OXSR1: variants seen among roughly 807,000 people sequenced by gnomAD.
OXSR1 encodes the protein serine/threonine-protein kinase OSR1.
Under a neutral mutation model 79.8 loss-of-function variants are expected in OXSR1, and 24 were observed. The ratio of observed to expected loss-of-function variants is 0.30; its 90% CI spans 0.22 to 0.42. The LOEUF (loss-of-function observed/expected upper bound fraction) is 0.42. Ranked by LOEUF, OXSR1 falls within the 10% of genes least tolerant of loss-of-function variation. OXSR1 has a pLI of 1.00. For synonymous variants in OXSR1, 226 were observed against 209.2 expected (o/e 1.08, Z -0.69); for missense variants, 430 against 618.4 (o/e 0.70, Z 3.23).
intron 2 of OXSR1, among the ~76,000 whole-genome samples, chr3:38,190,262 G>T (rs1409593754): frequency 1.3e-5 from 2 of 151,920 alleles, no homozygotes; most frequent in Non-Finnish European, 2.9e-5. Flanking sequence ...ACGTTGTCCT[G>T]TTTCAGTTTG....
At chr3:38,208,868 C>T (rs1449573754) in intron 4 of OXSR1, among the ~76,000 whole-genome samples, 1 of 152,142 alleles carries the variant, frequency 6.6e-6, no homozygotes, top group East Asian at 1.9e-4. Context: ...CGTCACTGCA[C>T]TCCAGCCTGG....
intron 3 of OXSR1, 90 bp from the exon 4 acceptor site, chr3:38,198,632 G>A: frequency 1.1e-6 from 1 of 890,420 alleles, no homozygotes; most frequent in Non-Finnish European, 1.7e-6. Flanking sequence ...AAGTTTATGA[G>A]AAGGTTCACA....
intron 1 of OXSR1, among the ~76,000 whole-genome samples, chr3:38,178,618 ATATTT>A (rs1396662435): frequency 5.8e-5 from 5 of 86,728 alleles, no homozygotes; most frequent in South Asian, 3.5e-4. Flanking sequence ...ATATATATAT[ATATTT>A]TTTTTTTTTT....
intron 17 of OXSR1, 81 bp downstream of exon 17, chr3:38,252,473 G>T (rs2125857348): frequency 1.1e-6 from 1 of 907,244 alleles, no homozygotes; most frequent in Middle Eastern, 2.1e-4. Flanking sequence ...TATATCCCCT[G>T]AGTGATGAGA....
At chr3:38,202,793 A>G (rs1408099384) in intron 4 of OXSR1, among the ~76,000 whole-genome samples, 1 of 152,216 alleles carries the variant, frequency 6.6e-6, no homozygotes, top group African/African-American at 2.4e-5. Flanking sequence ...CATTGTGAGA[A>G]GTGACCTAGA....
chr3:38,252,815 A>C lies in OXSR1; in HGVS notation c.1510-2A>C. Reference sequence around the variant, plus strand: ...CAGTTTCTCATTTTGTTTGGTTCTTAGGCATCTGGTGTCGAAGGCTCAGAT... The same window carrying C: ...CAGTTTCTCATTTTGTTTGGTTCTTCGGCATCTGGTGTCGAAGGCTCAGAT... On this transcript the variant is annotated splice_acceptor_variant, in intron 17 of 17. Transcript: ENST00000311806. LOFTEE classifies it high-confidence loss of function. 1 of 1,609,968 alleles carries C rather than the reference A, an allele frequency of 6.2e-7. No homozygotes were observed. Among genetic ancestry groups the C allele is most frequent in the Non-Finnish European group, 8.5e-7 (1 of 1,176,376 alleles).
At chr3:38,240,956 A>G (rs1417046287) in intron 11 of OXSR1, among the ~76,000 whole-genome samples, 1 of 152,178 alleles carries the variant, frequency 6.6e-6, no homozygotes, top group Non-Finnish European at 1.5e-5. Context: ...ATGGAAAATC[A>G]TCATTTTACA....
chr3:38,200,146 G>A (rs939553072), intron 4 of OXSR1, among the ~76,000 whole-genome samples: 3 of 152,188 alleles, frequency 2.0e-5, no homozygotes, highest in Non-Finnish European at 2.9e-5. Context: ...GGCACTGCTC[G>A]TTAGGCATGG....
chr3:38,201,356 G>C (rs377385326), intron 4 of OXSR1, among the ~76,000 whole-genome samples: 19 of 151,438 alleles, frequency 1.3e-4, no homozygotes, highest in African/African-American at 4.4e-4. Context: ...GAGCCCAGGA[G>C]TTTAATACCA....
At chr3:38,204,153 C>G (rs1372929816) in intron 4 of OXSR1, among the ~76,000 whole-genome samples, 1 of 152,194 alleles carries the variant, frequency 6.6e-6, no homozygotes, top group Admixed American at 6.5e-5. Context: ...CTGGCTACCC[C>G]CAGTGTTCAG....
intron 1 of OXSR1, among the ~76,000 whole-genome samples, chr3:38,169,732 CT>C (rs1701540004): frequency 1.4e-5 from 2 of 142,312 alleles, no homozygotes; most frequent in African/African-American, 2.6e-5. Flanking sequence ...TTTTTTTTTT[CT>C]TCTCATTTTC....
chr3:38,164,698 T>C (rs1383420005), upstream of OXSR1, among the ~76,000 whole-genome samples: 1 of 152,120 alleles, frequency 6.6e-6, no homozygotes, highest in Non-Finnish European at 1.5e-5. Flanking sequence ...ACTTGTTTAA[T>C]ACCCCAAGCC....
chr3:38,175,610 C>G (rs1701662803), intron 1 of OXSR1, among the ~76,000 whole-genome samples: 1 of 152,176 alleles, frequency 6.6e-6, no homozygotes, highest in African/African-American at 2.4e-5. Context: ...CCTACGTTCT[C>G]TCTCTTAAAT....
At chr3:38,202,118 G>C in intron 4 of OXSR1, among the ~76,000 whole-genome samples, 1 of 152,204 alleles carries the variant, frequency 6.6e-6, no homozygotes, top group Non-Finnish European at 1.5e-5. Context: ...AAAGATAGGA[G>C]AGTGGGGTGT....
intron 1 of OXSR1, among the ~76,000 whole-genome samples, chr3:38,177,880 C>A (rs1353820497): frequency 1.3e-5 from 2 of 151,834 alleles, no homozygotes; most frequent in Non-Finnish European, 2.9e-5. Flanking sequence ...GAGCCACAAC[C>A]CCCAGAAGTG....
intron 10 of OXSR1, among the ~76,000 whole-genome samples, chr3:38,235,334 G>A (rs947167262): frequency 6.6e-6 from 1 of 152,050 alleles, no homozygotes; most frequent in Admixed American, 6.5e-5. Context: ...TCAATATAAA[G>A]GTTGAGGAAA....
At chr3:38,223,545 C>T (rs935986343) in intron 6 of OXSR1, among the ~76,000 whole-genome samples, 4 of 151,336 alleles carry the variant, frequency 2.6e-5, no homozygotes, top group African/African-American at 7.3e-5. Context: ...TGGGTTCAAG[C>T]GATTCTCCTG....
intron 3 of OXSR1, among the ~76,000 whole-genome samples, chr3:38,196,374 T>G (rs1702072727): frequency 6.6e-6 from 1 of 152,144 alleles, no homozygotes; most frequent in South Asian, 2.1e-4. Flanking sequence ...ACAAGAGGCT[T>G]AGAAAACCAA....
chr3:38,174,892 G>T (rs1342104560), intron 1 of OXSR1, among the ~76,000 whole-genome samples: 1 of 152,190 alleles, frequency 6.6e-6, no homozygotes. Context: ...AAACCATCAG[G>T]CTGCTTGAAT....
Sources: allele counts gnomAD v4.1 joint callset (sites outside exome capture counted in the v4.1 genomes callset), GRCh38; gene constraint gnomAD v4.1.1; transcripts MANE v1.5; gene names NCBI Gene and HGNC (gene_info 2026-07-23, HGNC 2026-07-21).